The following TLX1 variants were observed in gnomAD, a reference collection of about 807,000 sequenced individuals.
TLX1 encodes the protein T cell leukemia homeobox 1.
In TLX1, 6 loss-of-function variants were observed where a neutral mutation model predicts 26.5. The ratio of observed to expected loss-of-function variants is 0.23; its 90% confidence interval spans 0.12 to 0.45. The LOEUF (loss-of-function observed/expected upper bound fraction) is 0.45. Ranked by LOEUF, TLX1 falls within the 20% of genes least tolerant of loss-of-function variation. The pLI is 0.99. For missense variants in TLX1, 418 were observed against 482.6 expected, an observed-to-expected ratio of 0.87 and a Z score of 1.25; for synonymous variants, 217 against 219.7, an observed-to-expected ratio of 0.99 and a Z score of 0.11.
chr10:101,134,445 T>A, intron 2 of TLX1, 69 bp downstream of exon 2: 2 of 1,408,200 alleles, frequency 1.4e-6, no homozygotes, highest in Non-Finnish European at 9.4e-7. Flanking sequence ...TTCATTGGCC[T>A]CTCGTGGGGC....
In TLX1 at chr10:101,137,296, C is replaced by CACT; in HGVS notation, c.*383_*384insACT. On this transcript the variant is annotated 3_prime_UTR_variant, in exon 3 of 3. Transcript: ENST00000370196. ...GCCCTGGGAAACCCCTTCTCTGTGA[C>CACT]CCACTTCTCATCACACACATGGAAA... is the stretch of plus-strand genomic sequence containing the variant. 6.0e-6 allele frequency: 2 copies of CACT among 333,058 alleles called. No homozygotes were observed. The highest frequency in any genetic ancestry group is 1.0e-4 in the South Asian group (2 of 19,106). 20.6% of individuals were successfully genotyped at this position (333,058 alleles called of 1,614,324 possible).
Position 101,131,443 on chromosome 10 carries a change from G to T in TLX1, c.-99G>T. ...CACTTCGCTTCCAAGTCTCCGCGCA[G>T]CCAGGAGCCGCTGTTGCCTCCCAGC... On this transcript the variant is annotated 5_prime_UTR_variant, in exon 1 of 3. Coordinates refer to ENST00000370196, the MANE Select transcript of TLX1 (RefSeq NM_005521.4). The T allele has an allele frequency of 1.0e-6, 1 of 1,001,970 alleles. No individual in the cohort carries two copies. The highest frequency in any genetic ancestry group is 1.3e-6 in the Non-Finnish European group (1 of 750,502). The allele number at this position is 1,001,970 out of a possible 1,614,324, so 62.1% of individuals were successfully genotyped here. A position where few individuals can be genotyped will look rare whatever the true frequency, so the allele number is the denominator to read the frequency against.
At chr10:101,134,144 C>T in intron 1 of TLX1, 31 bp from the exon 2 acceptor site, 1 of 1,553,052 alleles carries the variant, frequency 6.4e-7, no homozygotes. Flanking sequence ...TCCAGTGGCC[C>T]TCTCACCCTT....
At chr10:101,136,564 C>T (rs1398906416) in intron 2 of TLX1, 127 bp from the exon 3 acceptor site, 7 of 1,519,746 alleles carry the variant, frequency 4.6e-6, no homozygotes, top group African/African-American at 4.1e-5. Context: ...GGGGCCCAAA[C>T]TGGATTTGGG....
chr10:101,131,718 CG>C lies in TLX1; in HGVS notation c.182del (p.Gly61AlafsTer37), dbSNP rs1590126092. The stretch of plus-strand genomic sequence containing the variant: ...TCGGAGGCGCCTACACTTACGGCGG[CG>C]GGGGCTCCGCGGCCGCGACGGGGGC... The part of the protein sequence containing the change: ...LVGGAYTYGG[G>X]GSAAATGAGG... On this transcript the variant is annotated frameshift_variant, in exon 1 of 3. Transcript: ENST00000370196. LOFTEE classifies it high-confidence loss of function. 3 of 1,463,550 alleles carry C rather than the reference CG, an allele frequency of 2.0e-6. No individual in the cohort carries two copies. Among genetic ancestry groups the C allele is most frequent in the Admixed American group, 2.8e-5 (1 of 35,864 alleles). 90.7% of individuals were successfully genotyped at this position (1,463,550 alleles called of 1,614,324 possible).
At chr10:101,133,999 C>T (rs1940234214) in intron 1 of TLX1, 176 bp from the exon 2 acceptor site, 1 of 595,390 alleles carries the variant, frequency 1.7e-6, no homozygotes, top group Non-Finnish European at 2.8e-6. Context: ...GTGGGCTTGT[C>T]GCTGAGGGCT....
At position 101,136,954 on chromosome 10, in the gene TLX1, G is replaced by C; in HGVS notation, c.*41G>C. On this transcript the variant is annotated 3_prime_UTR_variant, in exon 3 of 3. Coordinates refer to ENST00000370196, the MANE Select transcript of TLX1 (RefSeq NM_005521.4). ...CCTGTGGGACCCCAGGCCCACTCAG[G>C]GGTCACTGAGGCCTGAGACCCAGGA... 1.2e-6 allele frequency: 2 copies of C among 1,604,346 alleles called. No individual in the cohort carries two copies. Among genetic ancestry groups the C allele is most frequent in the Non-Finnish European group, 1.7e-6 (2 of 1,173,974 alleles).
intron 1 of TLX1, 183 bp from the exon 2 acceptor site, chr10:101,133,992 G>A (rs1397083447): frequency 1.7e-6 from 1 of 585,190 alleles, no homozygotes; most frequent in Non-Finnish European, 2.9e-6. Context: ...TCCCGCCGTG[G>A]GCTTGTCGCT....
chr10:101,135,055 T>TTTTTG (rs1169878873), intron 2 of TLX1, among the ~76,000 whole-genome samples: 5 of 152,262 alleles, frequency 3.3e-5, no homozygotes, highest in Admixed American at 6.5e-5. Context: ...CGCAATGGGC[T>TTTTTG]TTTTGTTTTG....
chr10:101,132,239 G>A lies in TLX1; in HGVS notation c.568+130G>A, dbSNP rs537138165. On this transcript the variant is annotated intron_variant, in intron 1 of 2. Transcript: ENST00000370196. The surrounding 1 kb of genome is among the most constrained non-coding windows in gnomAD (Gnocchi z 4.1). ...CAGCTCTTCTTGGTGCTTCCCCCAA[G>A]TTGAGCCGCCCGCCCGATTCTATAA... 6 of 805,222 alleles carry A rather than the reference G, an allele frequency of 7.5e-6. No homozygotes were observed. The highest frequency in any genetic ancestry group is 1.0e-5 in the Non-Finnish European group (6 of 591,496). 49.9% of individuals were successfully genotyped at this position (805,222 alleles called of 1,614,324 possible).
rs571311814 is a variant in TLX1, at chr10:101,133,253, G to A, written c.569-922G>A. On this transcript the variant is annotated intron_variant, in intron 1 of 2. Transcript: ENST00000370196. ...GCCAGGAGATTCCAAAGCACCCCTG[G>A]CTTCCTGCTTCTGTTCCAGGCAGCA... is the stretch of plus-strand genomic sequence containing the variant. 5.3e-5 allele frequency among the ~76,000 whole-genome samples: 8 copies of A among 152,374 alleles called. No individual in the cohort carries two copies. The South Asian group carries it at 1.0e-3, about 20-fold the overall frequency.
intron 2 of TLX1, among the ~76,000 whole-genome samples, chr10:101,136,086 G>A (rs959325660): frequency 1.3e-5 from 2 of 152,216 alleles, no homozygotes; most frequent in Admixed American, 6.5e-5. Context: ...ACAGGGTGGA[G>A]GGGCGGCAGT....
At chr10:101,133,110 G>GCACT (rs1173282018) in intron 1 of TLX1, 1 of 152,432 alleles carries the variant, frequency 6.6e-6, no homozygotes, top group African/African-American at 2.4e-5. Flanking sequence ...GAGGCAGGAG[G>GCACT]CACTGGCTGC....
chr10:101,132,643 A>G lies in TLX1; in HGVS notation c.568+534A>G, dbSNP rs1031577065. The G allele has an allele frequency of 6.8e-6, 1 of 148,026 alleles. No individual in the cohort carries two copies. Among genetic ancestry groups the G allele is most frequent in the African/African-American group, 2.5e-5 (1 of 40,218 alleles). The allele number at this position is 148,026 out of a possible 1,614,324, so 9.2% of individuals were successfully genotyped here. A position where few individuals can be genotyped will look rare whatever the true frequency, so the allele number is the denominator to read the frequency against. ...TGGGGGCTCTGAGCCCCGGTAAATC[A>G]GCAGAACCAGTGGCCTTTTTTTTTT... is the stretch of plus-strand genomic sequence containing the variant. On this transcript the variant is annotated intron_variant, in intron 1 of 2. Coordinates refer to ENST00000370196, the MANE Select transcript of TLX1 (RefSeq NM_005521.4). This position sits in a 1 kb window ranked among gnomAD's most constrained non-coding sequence, Gnocchi z 4.1.
Position 101,131,917 on chromosome 10 carries a change from C to T in TLX1, c.376C>T (p.Leu126Phe). 7.1e-7 allele frequency: 1 copy of T among 1,401,494 alleles called. No individual in the cohort carries two copies. The highest frequency in any genetic ancestry group is 9.2e-7 in the Non-Finnish European group (1 of 1,085,536). The allele number at this position is 1,401,494 out of a possible 1,614,324, so 86.8% of individuals were successfully genotyped here. A position where few individuals can be genotyped will look rare whatever the true frequency, so the allele number is the denominator to read the frequency against. ...CGGCAGCAGCGGCGGTGCCGGGGCA[C>T]TCAGCGCTGCGGGGGTAATCCGGGT... is the stretch of plus-strand genomic sequence containing the variant. ...GGGSSGGAGA[L>F]SAAGVIRVPA... The change falls in exon 1 of 3, where the codon CTC becomes TTC. Residue 126 changes from leucine (L) to phenylalanine (F), a missense_variant. Around this residue, in one of 3 missense-constraint regions of TLX1, gnomAD observed 322 missense variants for 344.6 expected, o/e 0.93. Coordinates refer to ENST00000370196, the MANE Select transcript of TLX1 (RefSeq NM_005521.4).
intron 1 of TLX1, among the ~76,000 whole-genome samples, chr10:101,133,698 G>A (rs549294495): frequency 1.4e-4 from 21 of 152,342 alleles, no homozygotes; most frequent in East Asian, 3.9e-4. Context: ...GGTCCTGTTT[G>A]GGTGTATAGA....
In TLX1 at chr10:101,137,710, A is replaced by G. The variant is rs1386844530; in HGVS notation, c.*797A>G. On this transcript the variant is annotated 3_prime_UTR_variant, in exon 3 of 3. Coordinates refer to ENST00000370196, the MANE Select transcript of TLX1 (RefSeq NM_005521.4). ...GGGGGTGTTAATTTATGCACTTATA[A>G]GGTGTTTTCTGTGTAACCATTTTAT... 7 of 230,698 alleles carry G rather than the reference A, an allele frequency of 3.0e-5. No homozygotes were observed. The highest frequency in any genetic ancestry group is 6.0e-5 in the Non-Finnish European group (7 of 116,252). The allele number at this position is 230,698 out of a possible 1,614,324, so 14.3% of individuals were successfully genotyped here. A position where few individuals can be genotyped will look rare whatever the true frequency, so the allele number is the denominator to read the frequency against.
At position 101,137,729 on chromosome 10, in the gene TLX1, AT is replaced by A; in HGVS notation, c.*820del. On this transcript the variant is annotated 3_prime_UTR_variant, in exon 3 of 3. Transcript: ENST00000370196. ...CTTATAAGGTGTTTTCTGTGTAACC[AT>A]TTTATAAAGTGCTTGTGTAATTTAT... 2 of 229,784 alleles carry A rather than the reference AT, an allele frequency of 8.7e-6. No individual in the cohort carries two copies. Among genetic ancestry groups the A allele is most frequent in the Non-Finnish European group, 1.7e-5 (2 of 115,640 alleles). The allele number at this position is 229,784 out of a possible 1,614,324, so 14.2% of individuals were successfully genotyped here.
chr10:101,132,026 C>T lies in TLX1; in HGVS notation c.485C>T (p.Ala162Val), dbSNP rs1012643256. The T allele has an allele frequency of 1.3e-6, 2 of 1,519,814 alleles. No individual in the cohort carries two copies. The highest frequency in any genetic ancestry group is 2.7e-5 in the East Asian group (1 of 37,520). 94.1% of individuals were successfully genotyped at this position (1,519,814 alleles called of 1,614,324 possible). Residue 162 changes from alanine to valine, a missense_variant, in exon 1 of 3, where the codon GCC becomes GTC. Physicochemically the swap from Ala to Val is moderately conservative, Grantham distance 64. Coordinates refer to ENST00000370196, the MANE Select transcript of TLX1 (RefSeq NM_005521.4). This position sits in a 1 kb window ranked among gnomAD's most constrained non-coding sequence, Gnocchi z 4.1. Reference sequence around the variant, plus strand: ...TTGCCCACCGTGCCCTCTGTGCCTGCCATGCCGGGCGTCAACAACCTCACT... The same window carrying T: ...TTGCCCACCGTGCCCTCTGTGCCTGTCATGCCGGGCGTCAACAACCTCACT... ...TGLPTVPSVP[A>V]MPGVNNLTGL...
Sources: gnomAD v4.1 joint callset for allele counts (sites outside exome capture counted in the v4.1 genomes callset) on GRCh38, gnomAD v4.1.1 for gene constraint, gnomAD v4.1.1 regional missense constraint, Gnocchi (gnomAD v3.1) non-coding constraint, MANE v1.5 for transcripts, NCBI Gene and HGNC (gene_info 2026-07-23, HGNC 2026-07-21) for gene names.